Variants in EYA4 observed in about 807,000 individuals in gnomAD.
EYA4 encodes protein phosphatase EYA4.
Under a neutral mutation model 87.9 loss-of-function variants are expected in EYA4, and 31 were observed. The observed-to-expected ratio is 0.35, with a 90% CI of 0.27 to 0.48. The LOEUF is 0.48. Among genes scored for constraint, EYA4 ranks in the 20% least tolerant of loss-of-function variants. The pLI, the probability that EYA4 is intolerant of heterozygous loss-of-function variation, is 0.99. For synonymous variants in EYA4, 263 were observed against 270.6 expected (o/e 0.97, Z 0.28); for missense variants, 678 against 761.4 (o/e 0.89, Z 1.29).
intron 10 of EYA4, among the ~76,000 whole-genome samples, chr6:133,466,804 G>A (rs1794884227): frequency 6.6e-6 from 1 of 151,716 alleles, no homozygotes; most frequent in Non-Finnish European, 1.5e-5. Context: ...AGTTCAGTTA[G>A]TGCATGAGGG....
rs1279116848 is a variant in EYA4, at chr6:133,481,534, G to C, written c.1042G>C (p.Gly348Arg). 1.9e-6 allele frequency: 3 copies of C among 1,613,966 alleles called. No individual in the cohort carries two copies. Among genetic ancestry groups the C allele is most frequent in the Admixed American group, 1.7e-5 (1 of 60,018 alleles). Residue 348 changes from glycine to arginine, a missense_variant, in exon 12 of 20, where the codon GGG (glycine) becomes CGG (arginine). Coordinates refer to ENST00000355286, the MANE Select transcript of EYA4 (RefSeq NM_004100.5). ...DLDERTCRSS[G>R]SKSRGRGRKN... ...TGATGAGAGAACCTGTAGGAGTTCT[G>C]GGTCAAAGTCCAGAGGAAGAGGCCG...
chr6:133,293,597 C>A, intron 2 of EYA4, among the ~76,000 whole-genome samples: 1 of 152,120 alleles, frequency 6.6e-6, no homozygotes, highest in East Asian at 1.9e-4. Context: ...TCCTGGCCTG[C>A]ACTGGAGTCA....
Position 133,356,281 on chromosome 6 carries a change from T to C in EYA4, c.34-26111T>C, listed in dbSNP as rs576979225. ...GACATTCAGCCCATAACGAACATCATCAGTTTAGTATCACCAACATTAAAG... is the reference window on the plus strand; with the variant it reads ...GACATTCAGCCCATAACGAACATCACCAGTTTAGTATCACCAACATTAAAG... On this transcript the variant is annotated intron_variant, in intron 2 of 19. Coordinates refer to ENST00000355286, the MANE Select transcript of EYA4 (RefSeq NM_004100.5). Among the ~76,000 whole-genome samples the C allele has an allele frequency of 2.6e-5, 4 of 152,300 alleles. No homozygotes were observed. In the South Asian group the frequency reaches 8.3e-4, roughly 32 times the overall value.
chr6:133,264,815 T>C lies in EYA4; in HGVS notation c.-65-9901T>C, dbSNP rs535390619. ...CAGAGCAAAGCATGCCTGGACAACC[T>C]AGGTTTCTTTCTTTCTTTCTTTCTT... is the stretch of plus-strand genomic sequence containing the variant. On this transcript the variant is annotated intron_variant, in intron 1 of 19. Transcript: ENST00000355286. Among the ~76,000 whole-genome samples, 5 of 152,242 alleles carry C rather than the reference T, an allele frequency of 3.3e-5. No homozygotes were observed. The East Asian group carries it at 9.7e-4, about 29-fold the overall frequency.
chr6:133,315,803 C>T (rs1780576816), intron 2 of EYA4, among the ~76,000 whole-genome samples: 1 of 152,040 alleles, frequency 6.6e-6, no homozygotes, highest in South Asian at 2.1e-4. Context: ...AGCATTTTTC[C>T]AACTGCTAAG....
chr6:133,280,975 G>A (rs1777576881), intron 2 of EYA4, among the ~76,000 whole-genome samples: 1 of 152,106 alleles, frequency 6.6e-6, no homozygotes, highest in Admixed American at 6.5e-5. Context: ...TACAATATGA[G>A]AACTTTTGTG....
intron 3 of EYA4, among the ~76,000 whole-genome samples, chr6:133,429,588 A>C (rs1168980101): frequency 2.0e-5 from 3 of 152,204 alleles, no homozygotes; most frequent in Non-Finnish European, 2.9e-5. Context: ...GAGTTTTGAA[A>C]GAAACGATAA....
intron 2 of EYA4, among the ~76,000 whole-genome samples, chr6:133,346,054 G>A (rs1783169419): frequency 6.6e-6 from 1 of 152,132 alleles, no homozygotes; most frequent in African/African-American, 2.4e-5. Context: ...TCAGTCAAAT[G>A]CCCTCCCTAT....
intron 3 of EYA4, among the ~76,000 whole-genome samples, chr6:133,434,366 T>A (rs534580622): frequency 2.0e-5 from 3 of 152,358 alleles, no homozygotes; most frequent in Admixed American, 1.3e-4. Context: ...TTCTTGACAC[T>A]ACAAGTTTTC....
chr6:133,454,941 T>A (rs1477258876), intron 5 of EYA4, among the ~76,000 whole-genome samples: 1 of 152,120 alleles, frequency 6.6e-6, no homozygotes, highest in African/African-American at 2.4e-5. Flanking sequence ...GCTAAAAACC[T>A]GAGTTCAAAT....
chr6:133,260,821 G>A (rs1042393951), intron 1 of EYA4, among the ~76,000 whole-genome samples: 2 of 152,122 alleles, frequency 1.3e-5, no homozygotes, highest in African/African-American at 4.8e-5. Flanking sequence ...TCTGATGGTG[G>A]GCCGAGTTTT....
intron 2 of EYA4, among the ~76,000 whole-genome samples, chr6:133,295,659 A>C (rs1305041211): frequency 6.6e-6 from 1 of 152,228 alleles, no homozygotes; most frequent in Non-Finnish European, 1.5e-5. Flanking sequence ...AAGACAGGAC[A>C]ATAAAATCTA....
intron 2 of EYA4, among the ~76,000 whole-genome samples, chr6:133,342,598 TATATATAA>T (rs1196791822): frequency 1.5e-5 from 2 of 129,896 alleles, no homozygotes; most frequent in African/African-American, 6.1e-5. Context: ...TATATATATA[TATATATAA>T]TTCTTTATAT....
chr6:133,256,759 T>C (rs1775369541), intron 1 of EYA4, among the ~76,000 whole-genome samples: 1 of 152,174 alleles, frequency 6.6e-6, no homozygotes, highest in Non-Finnish European at 1.5e-5. Context: ...AAATGAAGTA[T>C]ATTAATCAGT....
intron 2 of EYA4, among the ~76,000 whole-genome samples, chr6:133,283,470 A>T (rs1346994851): frequency 6.6e-6 from 1 of 152,168 alleles, no homozygotes; most frequent in Non-Finnish European, 1.5e-5. Flanking sequence ...GTTAATGTTC[A>T]TCGATAGAGG....
intron 11 of EYA4, among the ~76,000 whole-genome samples, chr6:133,474,551 ACTGT>A (rs902273042): frequency 3.3e-5 from 5 of 152,050 alleles, no homozygotes; most frequent in Admixed American, 6.6e-5. Flanking sequence ...ATTTTATTAG[ACTGT>A]CTGTTGAATT....
chr6:133,429,325 GCATAGC>G (rs750534435), intron 3 of EYA4, among the ~76,000 whole-genome samples: 5,199 of 152,242 alleles, frequency 0.034, 258 homozygotes, highest in African/African-American at 0.1. Flanking sequence ...GACAGTTAAT[GCATAGC>G]AGACAACAAG....
intron 13 of EYA4, among the ~76,000 whole-genome samples, chr6:133,494,988 G>A (rs899598101): frequency 5.9e-5 from 9 of 152,124 alleles, no homozygotes; most frequent in African/African-American, 1.2e-4. Flanking sequence ...ATCTCATGAC[G>A]CCAGGTGCGG....
At chr6:133,274,110 A>G (rs890574077) in intron 1 of EYA4, among the ~76,000 whole-genome samples, 1 of 152,164 alleles carries the variant, frequency 6.6e-6, no homozygotes, top group Non-Finnish European at 1.5e-5. Context: ...GAGTAAAGAT[A>G]TTTTTTGAAT....
Sources: gnomAD v4.1 joint callset for allele counts (sites outside exome capture counted in the v4.1 genomes callset) on GRCh38, gnomAD v4.1.1 for gene constraint, MANE v1.5 for transcripts, NCBI Gene and HGNC (gene_info 2026-07-23, HGNC 2026-07-21) for gene names.